KDELR1: variants seen among roughly 807,000 people sequenced by gnomAD.
KDELR1 encodes the protein ER lumen protein-retaining receptor 1.
A neutral mutation model predicts 25.5 loss-of-function variants in KDELR1; 16 were observed. The ratio of observed to expected loss-of-function variants is 0.63; its 90% CI spans 0.43 to 0.95. The LOEUF (loss-of-function observed/expected upper bound fraction) is 0.95, where lower values mean the gene tolerates loss of function less well. KDELR1 is among the 40% of genes least tolerant of loss of function. The probability of loss-of-function intolerance (pLI) is 0.00; values close to 1 mark genes in which losing one functional copy is unlikely to be tolerated. For synonymous variants in KDELR1, 121 were observed against 115.0 expected (o/e 1.05, Z -0.33); for missense variants, 159 against 265.2 (o/e 0.60, Z 2.78).
upstream of KDELR1, among the ~76,000 whole-genome samples, chr19:48,394,030 C>G (rs1375100993): frequency 2.0e-5 from 3 of 152,110 alleles, no homozygotes; most frequent in Non-Finnish European, 2.9e-5. The surrounding 1 kb of genome is among the most constrained non-coding windows in gnomAD (Gnocchi z 5.1). Flanking sequence ...CCCGGCCCCC[C>G]CAAACCCAGA....
intron 3 of KDELR1, among the ~76,000 whole-genome samples, chr19:48,385,099 C>T (rs1319235800): frequency 2.0e-5 from 3 of 152,166 alleles, no homozygotes; most frequent in Non-Finnish European, 4.4e-5. Flanking sequence ...GTTGGCCAGG[C>T]TGGTCTCGAA....
upstream of KDELR1, among the ~76,000 whole-genome samples, chr19:48,395,533 A>AG (rs1190547402): frequency 2.0e-5 from 3 of 151,886 alleles, no homozygotes; most frequent in Admixed American, 6.6e-5. Flanking sequence ...AGGAAACGGG[A>AG]TGCCGTCTGC....
intron 2 of KDELR1, 75 bp from the exon 3 acceptor site, chr19:48,389,786 G>A (rs1254139813): frequency 2.0e-6 from 3 of 1,532,340 alleles, no homozygotes; most frequent in East Asian, 2.3e-5. Context: ...CCGGAGTCCA[G>A]GCCCCTCCCT....
upstream of KDELR1, among the ~76,000 whole-genome samples, chr19:48,393,998 C>G (rs1315284251): frequency 6.6e-6 from 1 of 151,784 alleles, no homozygotes; most frequent in Non-Finnish European, 1.5e-5. This position sits in a 1 kb window ranked among gnomAD's most constrained non-coding sequence, Gnocchi z 5.6. Context: ...GCCTGGGTGT[C>G]GTGGGGCTCC....
At chr19:48,386,797 C>T (rs1474758671) in intron 3 of KDELR1, among the ~76,000 whole-genome samples, 1 of 151,906 alleles carries the variant, frequency 6.6e-6, no homozygotes, top group Non-Finnish European at 1.5e-5. Flanking sequence ...TCAGGCACGG[C>T]AGCTCACACC....
At chr19:48,390,814 C>A in intron 1 of KDELR1, 1 of 462,012 alleles carries the variant, frequency 2.2e-6, no homozygotes, top group Non-Finnish European at 3.9e-6. Context: ...CCAGACTAGG[C>A]CTCATGGCTA....
chr19:48,388,566 A>G (rs1970513378), intron 3 of KDELR1, among the ~76,000 whole-genome samples: 1 of 151,984 alleles, frequency 6.6e-6, no homozygotes, highest in African/African-American at 2.4e-5. Flanking sequence ...GGCATCTGCA[A>G]TCTCAGCTAC....
At position 48,384,515 on chromosome 19, in the gene KDELR1, A is replaced by T; in HGVS notation, c.352-33T>A. The T allele has an allele frequency of 6.2e-7, 1 of 1,600,614 alleles. No homozygotes were observed. The highest frequency in any genetic ancestry group is 1.1e-5 in the South Asian group (1 of 89,574). On this transcript the variant is annotated intron_variant, in intron 3 of 4. Transcript: ENST00000330720. This position sits in a 1 kb window ranked among gnomAD's most constrained non-coding sequence, Gnocchi z 4.6. ...GAGGCCGGGGACATGATGAGGTGGG[A>T]GGGGACAGGGCGGGAGAAAAGGCAG... is the stretch of plus-strand genomic sequence containing the variant.
chr19:48,391,554 G>A (rs1218123521), upstream of KDELR1: 11 of 581,158 alleles, frequency 1.9e-5, no homozygotes, highest in South Asian at 1.8e-4. Flanking sequence ...CCGGGAAGAG[G>A]GAGGAGAGCG....
chr19:48,395,548 C>T (rs147868146), upstream of KDELR1, among the ~76,000 whole-genome samples: 3 of 152,112 alleles, frequency 2.0e-5, no homozygotes, highest in East Asian at 5.8e-4. Context: ...GTCTGCAGCA[C>T]AACTCGAGGT....
chr19:48,393,704 G>T (rs1254596306), upstream of KDELR1, among the ~76,000 whole-genome samples: 6 of 152,006 alleles, frequency 3.9e-5, no homozygotes. This position sits in a 1 kb window ranked among gnomAD's most constrained non-coding sequence, Gnocchi z 5.6. Flanking sequence ...AACACAGCGA[G>T]TGTGTGAGTC....
chr19:48,394,040 A>T (rs1970599217), upstream of KDELR1, among the ~76,000 whole-genome samples: 1 of 151,840 alleles, frequency 6.6e-6, no homozygotes. The surrounding 1 kb of genome is among the most constrained non-coding windows in gnomAD (Gnocchi z 5.1). Flanking sequence ...CCAAACCCAG[A>T]TGGATGGTGT....
chr19:48,396,113 T>C (rs187245286), upstream of KDELR1, among the ~76,000 whole-genome samples: 319 of 151,778 alleles, frequency 2.1e-3, 1 homozygote, highest in African/African-American at 7.2e-3. Context: ...AGATGAGTGT[T>C]GGGGACTTTA....
chr19:48,384,630 G>C lies in KDELR1; in HGVS notation c.352-148C>G. 1.0e-6 allele frequency: 1 copy of C among 960,410 alleles called. No individual in the cohort carries two copies. 59.5% of individuals were successfully genotyped at this position (960,410 alleles called of 1,614,324 possible). On this transcript the variant is annotated intron_variant, in intron 3 of 4. Coordinates refer to ENST00000330720, the MANE Select transcript of KDELR1 (RefSeq NM_006801.3). The surrounding 1 kb of genome is among the most constrained non-coding windows in gnomAD (Gnocchi z 4.6). ...AAGTGCCAGACACAGTTCTGCCCGA[G>C]TTACTGGTACCTCTGATTTAATCAT...
upstream of KDELR1, among the ~76,000 whole-genome samples, chr19:48,392,072 A>C (rs1600960900): frequency 8.2e-6 from 1 of 121,226 alleles, no homozygotes; most frequent in African/African-American, 3.3e-5. Context: ...CCAGACCCCC[A>C]GCCCCTCCTC....
At chr19:48,397,275 CA>C in the KDELR1 span, among the ~76,000 whole-genome samples, 1 of 152,040 alleles carries the variant, frequency 6.6e-6, no homozygotes, top group East Asian at 1.9e-4. Context: ...TGGGGTGCCC[CA>C]CTAATTTCTC....
At chr19:48,394,510 G>A (rs1970610225), upstream of KDELR1, among the ~76,000 whole-genome samples, 1 of 149,368 alleles carries the variant, frequency 6.7e-6, no homozygotes, top group Middle Eastern at 3.4e-3. The surrounding 1 kb of genome is among the most constrained non-coding windows in gnomAD (Gnocchi z 5.1). Flanking sequence ...AGGGAGAGGC[G>A]GGACTGGACA....
At chr19:48,388,407 C>A (rs912139873) in intron 3 of KDELR1, among the ~76,000 whole-genome samples, 1 of 152,062 alleles carries the variant, frequency 6.6e-6, no homozygotes, top group Non-Finnish European at 1.5e-5. Flanking sequence ...GATTTGGAGC[C>A]GGGCGCGGTG....
At chr19:48,391,619 C>G, upstream of KDELR1, 1 of 489,706 alleles carries the variant, frequency 2.0e-6, no homozygotes, top group Non-Finnish European at 3.7e-6. Context: ...GGGCCTGGAT[C>G]CCCGGCGCCC....
Sources: gnomAD v4.1 joint callset for allele counts (sites outside exome capture counted in the v4.1 genomes callset) on GRCh38, gnomAD v4.1.1 for gene constraint, Gnocchi (gnomAD v3.1) non-coding constraint, MANE v1.5 for transcripts, NCBI Gene and HGNC (gene_info 2026-07-23, HGNC 2026-07-21) for gene names.